Variants in MAN1A1 observed in about 807,000 individuals in gnomAD.
The protein encoded by MAN1A1 is mannosidase alpha class 1A member 1.
Under a neutral mutation model 70.8 loss-of-function variants are expected in MAN1A1, and 29 were observed. The observed-to-expected ratio is 0.41, with a 90% CI of 0.31 to 0.56. The LOEUF (loss-of-function observed/expected upper bound fraction) is 0.56, where lower values mean the gene tolerates loss of function less well. Among genes scored for constraint, MAN1A1 ranks in the 20% least tolerant of loss-of-function variants. MAN1A1 has a pLI of 0.29. For missense variants in MAN1A1, 747 were observed against 841.3 expected, an observed-to-expected ratio of 0.89 and a Z score of 1.39; for synonymous variants, 349 against 330.1, an observed-to-expected ratio of 1.06 and a Z score of -0.62.
intron 6 of MAN1A1, among the ~76,000 whole-genome samples, chr6:119,242,955 C>A (rs1045575861): frequency 6.6e-6 from 1 of 151,732 alleles, no homozygotes; most frequent in African/African-American, 2.4e-5. Flanking sequence ...AGTGGGGAAC[C>A]CAATATTTAA....
At chr6:119,207,688 G>C (rs1278021286) in intron 6 of MAN1A1, among the ~76,000 whole-genome samples, 4 of 152,178 alleles carry the variant, frequency 2.6e-5, no homozygotes, top group African/African-American at 4.8e-5. Context: ...TAAATCTACT[G>C]AGGAATCTAT....
At chr6:119,207,811 T>G (rs182096716) in intron 6 of MAN1A1, among the ~76,000 whole-genome samples, 1 of 152,120 alleles carries the variant, frequency 6.6e-6, no homozygotes, top group African/African-American at 2.4e-5. Context: ...TCAGCTCCCT[T>G]GGTCTGGTGG....
chr6:119,316,272 C>T lies in MAN1A1; in HGVS notation c.604-9280G>A, dbSNP rs554046717. ...GGCTCACTGCAATCTCCACCTCCCG[C>T]GTTCAAGCGATTGTCCTGCCTCAGC... On this transcript the variant is annotated intron_variant, in intron 2 of 12. Coordinates refer to ENST00000368468, the MANE Select transcript of MAN1A1 (RefSeq NM_005907.4). Among the ~76,000 whole-genome samples, 5 of 151,002 alleles carry T rather than the reference C, an allele frequency of 3.3e-5. No individual in the cohort carries two copies. In the South Asian group the frequency reaches 8.3e-4, roughly 25 times the overall value.
At chr6:119,218,442 T>A (rs1404075256) in intron 6 of MAN1A1, among the ~76,000 whole-genome samples, 1 of 152,176 alleles carries the variant, frequency 6.6e-6, no homozygotes, top group Non-Finnish European at 1.5e-5. Context: ...TCACATCAGA[T>A]AACACATTGT....
intron 5 of MAN1A1, among the ~76,000 whole-genome samples, chr6:119,283,179 C>T (rs1389296201): frequency 6.6e-6 from 1 of 152,186 alleles, no homozygotes; most frequent in African/African-American, 2.4e-5. Context: ...TGTCCATCAC[C>T]TTACTACATT....
intron 9 of MAN1A1, 88 bp from the exon 10 acceptor site, chr6:119,189,971 G>A (rs535192020): frequency 5.1e-6 from 5 of 976,420 alleles, no homozygotes; most frequent in Admixed American, 2.5e-5. Context: ...AAAAAGAATA[G>A]AATACACCTG....
At chr6:119,284,621 C>T (rs1003733865) in intron 5 of MAN1A1, among the ~76,000 whole-genome samples, 1 of 151,902 alleles carries the variant, frequency 6.6e-6, no homozygotes, top group Admixed American at 6.6e-5. Flanking sequence ...TTTCTTAATG[C>T]AGACCTTTGG....
At chr6:119,206,447 G>A (rs192638188) in intron 6 of MAN1A1, among the ~76,000 whole-genome samples, 6 of 152,260 alleles carry the variant, frequency 3.9e-5, no homozygotes, top group African/African-American at 4.8e-5. Context: ...TCCTGGGCTC[G>A]CCTCACTCTC....
Position 119,324,913 on chromosome 6 carries a change from T to A in MAN1A1, c.604-17921A>T, listed in dbSNP as rs886816729. Among the ~76,000 whole-genome samples, 4 of 152,096 alleles carry A rather than the reference T, an allele frequency of 2.6e-5. 1 individual carries two copies. The South Asian group carries it at 6.2e-4, about 24-fold the overall frequency. On this transcript the variant is annotated intron_variant, in intron 2 of 12. Coordinates refer to ENST00000368468, the MANE Select transcript of MAN1A1 (RefSeq NM_005907.4). ...TTGTGCATTTTTGGACGCAGAGTGG[T>A]GTCCCTGGCCTGTATACACTAGATG...
rs185429067 is a variant in MAN1A1, at chr6:119,270,381, T to G, written c.897+20302A>C. Among the ~76,000 whole-genome samples, 76 of 152,352 alleles carry G rather than the reference T, an allele frequency of 5.0e-4. No homozygotes were observed. In the East Asian group the frequency reaches 6.2e-3, roughly 12 times the overall value. On this transcript the variant is annotated intron_variant, in intron 5 of 12. Transcript: ENST00000368468. The stretch of plus-strand genomic sequence containing the variant: ...CTCAGAACTATAGTGTTTTTCTTTT[T>G]AACATATCATACAATTCACCCATTT...
intron 6 of MAN1A1, among the ~76,000 whole-genome samples, chr6:119,234,838 G>T (rs1774795613): frequency 6.6e-6 from 1 of 152,126 alleles, no homozygotes; most frequent in South Asian, 2.1e-4. Context: ...GAAGGTCTGT[G>T]GCAACCCTGT....
chr6:119,342,902 T>C (rs1005923453), intron 2 of MAN1A1, among the ~76,000 whole-genome samples: 8 of 152,138 alleles, frequency 5.3e-5, no homozygotes, highest in African/African-American at 1.9e-4. Flanking sequence ...AGTAACTCAC[T>C]CTCTTCTTCT....
chr6:119,214,907 T>C (rs1260806699), intron 6 of MAN1A1, among the ~76,000 whole-genome samples: 2 of 150,970 alleles, frequency 1.3e-5, no homozygotes, highest in Non-Finnish European at 2.9e-5. Flanking sequence ...TTTTGGAAAC[T>C]GTATTTTTTA....
At chr6:119,193,448 T>C (rs1305269518) in intron 9 of MAN1A1, among the ~76,000 whole-genome samples, 1 of 152,186 alleles carries the variant, frequency 6.6e-6, no homozygotes, top group Non-Finnish European at 1.5e-5. Flanking sequence ...CTTAGGCAAT[T>C]GTCAGAATAC....
chr6:119,307,037 T>G (rs779733848), intron 2 of MAN1A1, 45 bp from the exon 3 acceptor site: 238 of 1,313,452 alleles, frequency 1.8e-4, no homozygotes, highest in Non-Finnish European at 2.4e-4. Flanking sequence ...AATGGAGATG[T>G]TTTTGCTACA....
chr6:119,241,450 A>G (rs1413564717), intron 6 of MAN1A1, among the ~76,000 whole-genome samples: 1 of 152,200 alleles, frequency 6.6e-6, no homozygotes, highest in Non-Finnish European at 1.5e-5. Flanking sequence ...AAGCAGCAGC[A>G]GCAGTAGCTT....
At chr6:119,306,816 A>G (rs1772538268) in intron 3 of MAN1A1, 80 bp downstream of exon 3, 4 of 1,021,442 alleles carry the variant, frequency 3.9e-6, no homozygotes, top group Non-Finnish European at 1.5e-6. Context: ...GCCATGTTAC[A>G]CAGACTTCTC....
At chr6:119,201,103 C>A (rs746123986) in intron 8 of MAN1A1, 151 bp downstream of exon 8, 24 of 616,766 alleles carry the variant, frequency 3.9e-5, no homozygotes, top group Non-Finnish European at 5.8e-5. Flanking sequence ...ATAACACAAT[C>A]TGATGACAGA....
intron 9 of MAN1A1, among the ~76,000 whole-genome samples, 176 bp downstream of exon 9, chr6:119,193,601 T>C (rs1192552756): frequency 6.6e-6 from 1 of 152,162 alleles, no homozygotes; most frequent in Non-Finnish European, 1.5e-5. Context: ...CTATTAGAAA[T>C]AAACATCAAA....
Sources: allele counts gnomAD v4.1 joint callset (sites outside exome capture counted in the v4.1 genomes callset), GRCh38; gene constraint gnomAD v4.1.1; transcripts MANE v1.5; gene names NCBI Gene and HGNC (gene_info 2026-07-23, HGNC 2026-07-21).